IL1RAPL2: variants seen among roughly 807,000 people sequenced by gnomAD.
IL1RAPL2 encodes X-linked interleukin-1 receptor accessory protein-like 2.
Under a neutral mutation model 44.1 loss-of-function variants are expected in IL1RAPL2, and 3 were observed. The observed-to-expected ratio is 0.07, with a 90% CI of 0.03 to 0.18. The LOEUF (loss-of-function observed/expected upper bound fraction) is 0.18, where lower values mean the gene tolerates loss of function less well. Among genes scored for constraint, IL1RAPL2 ranks in the 10% least tolerant of loss-of-function variants. The pLI is 1.00. For missense variants in IL1RAPL2, 391 were observed against 496.4 expected (o/e 0.79, Z 2.02); for synonymous variants, 181 against 178.8 (o/e 1.01, Z -0.10).
intron 2 of IL1RAPL2, among the ~76,000 whole-genome samples, chrX:105,017,370 T>C (rs944857288): frequency 1.8e-5 from 2 of 111,420 alleles, no homozygotes; most frequent in East Asian, 2.8e-4. Context: ...GAAAACATTT[T>C]TATTAACTGA....
intron 5 of IL1RAPL2, among the ~76,000 whole-genome samples, chrX:105,482,097 C>G: frequency 8.9e-6 from 1 of 112,250 alleles, no homozygotes; most frequent in East Asian, 2.8e-4. Context: ...GAAATATTTT[C>G]ATATCTAATC....
At chrX:105,238,580 A>G (rs61016562) in intron 4 of IL1RAPL2, among the ~76,000 whole-genome samples, 15,358 of 110,064 alleles carry the variant, frequency 0.14, 2,079 homozygotes, top group African/African-American at 0.42. Flanking sequence ...GACAAAACCC[A>G]GTCTGTTCTA....
At position 104,888,196 on chromosome X, in the gene IL1RAPL2, A is replaced by G. The variant is rs151224588; in HGVS notation, c.82+229201A>G. On this transcript the variant is annotated intron_variant, in intron 2 of 10. Coordinates refer to ENST00000372582, the MANE Select transcript of IL1RAPL2 (RefSeq NM_017416.2). ...GCATAAGTGGTTGGCAGAGGCAAGGAAAGACCAGAAGAAAGAAAAGAGAGA... is the reference window on the plus strand; with the variant it reads ...GCATAAGTGGTTGGCAGAGGCAAGGGAAGACCAGAAGAAAGAAAAGAGAGA... 6.1e-3 allele frequency among the ~76,000 whole-genome samples: 664 copies of G among 108,412 alleles called. 3 individuals carry two copies. Among genetic ancestry groups the G allele is most frequent in the African/African-American group, 0.021 (635 of 29,668 alleles). 94.1% of individuals were successfully genotyped at this position (108,412 alleles called of 115,157 possible). A position where few individuals can be genotyped will look rare whatever the true frequency, so the allele number is the denominator to read the frequency against.
In IL1RAPL2 at chrX:105,650,939, G is replaced by GT. The variant is rs773096879; in HGVS notation, c.773-66422dup. Among the ~76,000 whole-genome samples the GT allele has an allele frequency of 1.8e-3, 206 of 112,337 alleles. No individual in the cohort carries two copies. In the Middle Eastern group the frequency reaches 0.023, roughly 12 times the overall value. On this transcript the variant is annotated intron_variant, in intron 6 of 10. Transcript: ENST00000372582. Reference sequence around the variant, plus strand: ...CAGTTCAACTCCTTAGAGAAATACTGTTTTTTAGGTTAAGTAAGATTTTCC... The same window carrying GT: ...CAGTTCAACTCCTTAGAGAAATACTGTTTTTTTAGGTTAAGTAAGATTTTCC...
chrX:104,573,666 ACT>A (rs953283066), intron 1 of IL1RAPL2, among the ~76,000 whole-genome samples: 1 of 112,149 alleles, frequency 8.9e-6, no homozygotes, highest in African/African-American at 3.2e-5. Flanking sequence ...TCCAGATAAA[ACT>A]CTGAAGAAGA....
intron 2 of IL1RAPL2, among the ~76,000 whole-genome samples, chrX:105,194,239 G>A (rs192427095): frequency 8.9e-6 from 1 of 111,734 alleles, no homozygotes; most frequent in African/African-American, 3.3e-5. Context: ...CCTGTCAACT[G>A]AAGTTAAAAG....
intron 2 of IL1RAPL2, among the ~76,000 whole-genome samples, chrX:104,985,089 T>C (rs1244339797): frequency 1.2e-5 from 1 of 85,399 alleles, no homozygotes; most frequent in African/African-American, 4.2e-5. Context: ...GTTTTATTTT[T>C]CTTTATTTTT....
In IL1RAPL2 at chrX:105,767,554, C is replaced by G; in HGVS notation, c.1954C>G (p.Gln652Glu). The G allele has an allele frequency of 1.7e-6, 2 of 1,209,722 alleles. No individual in the cohort carries two copies. Among genetic ancestry groups the G allele is most frequent in the Non-Finnish European group, 2.2e-6 (2 of 893,698 alleles). Residue 652 changes from glutamine (Q) to glutamate (E), a missense_variant, in exon 11 of 11, where the codon CAG (glutamine) becomes GAG (glutamate). This residue lies in a region of IL1RAPL2 where 232 missense variants were observed against 244.8 expected (regional missense o/e 0.95). Transcript: ENST00000372582. The part of the protein sequence containing the change: ...CNLPLTLLNG[Q>E]LPLNNTLKDT... The stretch of plus-strand genomic sequence containing the variant: ...CCTGCCTCTGACGCTACTCAACGGA[C>G]AGCTACCCCTTAATAACACCCTGAA...
chrX:104,789,167 G>A (rs768137454), intron 2 of IL1RAPL2, among the ~76,000 whole-genome samples: 1 of 111,206 alleles, frequency 9.0e-6, no homozygotes, highest in Non-Finnish European at 1.9e-5. Context: ...AGATTCAGGG[G>A]GTACATGTAC....
chrX:105,018,809 T>C (rs1276470637), intron 2 of IL1RAPL2, among the ~76,000 whole-genome samples: 4 of 111,872 alleles, frequency 3.6e-5, no homozygotes, highest in Non-Finnish European at 7.5e-5. Context: ...TTGGGGTTCC[T>C]GCACTAACTC....
At chrX:105,504,311 C>T (rs900966839) in intron 6 of IL1RAPL2, among the ~76,000 whole-genome samples, 3 of 111,587 alleles carry the variant, frequency 2.7e-5, no homozygotes, top group Non-Finnish European at 5.7e-5. Flanking sequence ...GTCTCACTTA[C>T]CAAGTGCAAG....
intron 6 of IL1RAPL2, among the ~76,000 whole-genome samples, chrX:105,670,620 A>C (rs1009768409): frequency 1.8e-5 from 2 of 109,250 alleles, no homozygotes; most frequent in African/African-American, 6.7e-5. Context: ...TATCTAAAAA[A>C]AAAAAATCTA....
intron 4 of IL1RAPL2, among the ~76,000 whole-genome samples, chrX:105,247,661 A>T (rs2034233148): frequency 9.9e-6 from 1 of 100,930 alleles, no homozygotes; most frequent in African/African-American, 3.7e-5. Context: ...TTAAAAGCTG[A>T]TTGTTTTGAC....
intron 2 of IL1RAPL2, among the ~76,000 whole-genome samples, chrX:105,164,909 T>C (rs1418658089): frequency 8.9e-6 from 1 of 112,145 alleles, no homozygotes; most frequent in Non-Finnish European, 1.9e-5. Flanking sequence ...TAGTATGTGC[T>C]TAGTGTTAGC....
At chrX:104,884,463 C>A in intron 2 of IL1RAPL2, among the ~76,000 whole-genome samples, 1 of 111,378 alleles carries the variant, frequency 9.0e-6, no homozygotes, top group Non-Finnish European at 1.9e-5. Flanking sequence ...AAAGCAAAAC[C>A]ATGGGCAATT....
At chrX:105,457,501 A>G (rs911087560) in intron 5 of IL1RAPL2, among the ~76,000 whole-genome samples, 46 of 110,262 alleles carry the variant, frequency 4.2e-4, no homozygotes, top group Non-Finnish European at 8.0e-4. Context: ...GTAATCATAC[A>G]ATATTTGTCT....
chrX:105,278,778 T>C, intron 5 of IL1RAPL2, among the ~76,000 whole-genome samples: 1 of 111,923 alleles, frequency 8.9e-6, no homozygotes, highest in South Asian at 3.8e-4. Context: ...AGCTAGGATT[T>C]GAATCCACGT....
chrX:105,630,846 T>C (rs762344523), intron 6 of IL1RAPL2, among the ~76,000 whole-genome samples: 1 of 111,433 alleles, frequency 9.0e-6, no homozygotes, highest in South Asian at 3.8e-4. Flanking sequence ...GAGGCCCTAC[T>C]TCTGCCATAA....
chrX:104,942,159 C>T (rs1290163636), intron 2 of IL1RAPL2, among the ~76,000 whole-genome samples: 1 of 111,882 alleles, frequency 8.9e-6, no homozygotes, highest in Non-Finnish European at 1.9e-5. Flanking sequence ...GTTCTTTTGG[C>T]TTAGGATCAT....
Sources: allele counts gnomAD v4.1 joint callset (sites outside exome capture counted in the v4.1 genomes callset), GRCh38; gene constraint gnomAD v4.1.1; regional missense constraint gnomAD v4.1.1; transcripts MANE v1.5; gene names NCBI Gene and HGNC (gene_info 2026-07-23, HGNC 2026-07-21).